The following NOVA2 variants were observed in gnomAD, a reference collection of about 807,000 sequenced individuals.
The protein encoded by NOVA2 is NOVA alternative splicing regulator 2, also known as RNA-binding protein Nova-2.
Under a neutral mutation model 22.5 loss-of-function variants are expected in NOVA2, and 9 were observed. The observed-to-expected ratio is 0.40, with a 90% CI of 0.24 to 0.70. The LOEUF (loss-of-function observed/expected upper bound fraction) is 0.70. Ranked by LOEUF, NOVA2 falls within the 30% of genes least tolerant of loss-of-function variation. NOVA2 has a pLI of 0.38. For missense variants in NOVA2, 383 were observed against 682.8 expected (o/e 0.56, Z 4.89); for synonymous variants, 318 against 335.2 (o/e 0.95, Z 0.56).
chr19:45,942,438 T>G (rs1967774435), intron 3 of NOVA2, among the ~76,000 whole-genome samples: 1 of 152,052 alleles, frequency 6.6e-6, no homozygotes, highest in South Asian at 2.1e-4. Flanking sequence ...CTTGGACTTC[T>G]GGCCTCCAGA....
chr19:45,946,815 C>T (rs925219937), intron 3 of NOVA2, among the ~76,000 whole-genome samples: 7 of 149,928 alleles, frequency 4.7e-5, no homozygotes, highest in Middle Eastern at 3.2e-3. Context: ...GAGGTTGCAG[C>T]GAGCCGAGAT....
rs1196004658 is a variant in NOVA2, at chr19:45,936,424, G to A, written c.*3439C>T. 6.6e-6 allele frequency: 1 copy of A among 151,786 alleles called. No individual in the cohort carries two copies. Among genetic ancestry groups the A allele is most frequent in the Non-Finnish European group, 1.5e-5 (1 of 67,954 alleles). 9.4% of individuals were successfully genotyped at this position (151,786 alleles called of 1,614,324 possible). A position where few individuals can be genotyped will look rare whatever the true frequency, so the allele number is the denominator to read the frequency against. ...AACTCAGGGTGGGAGGGCTGTGGAA[G>A]GGGGACCCAATTTAGCTCCATGTCC... On this transcript the variant is annotated 3_prime_UTR_variant, in exon 4 of 4. Transcript: ENST00000263257.
intron 1 of NOVA2, 70 bp downstream of exon 1, chr19:45,973,197 G>A (rs984284066): frequency 2.4e-5 from 19 of 780,798 alleles, no homozygotes; most frequent in African/African-American, 3.7e-5. Context: ...GCCACGGGAG[G>A]GGGGGAAAGG....
rs1241348746 is a variant in NOVA2 at position 45,940,395 on chromosome 19, GC to G, written c.946del (p.Ala316ProfsTer80). ...SGVLAAVAAGANPAAAAAANL... is the reference protein window; with the variant it reads ...SGVLAAVAAGXNPAAAAAANL... The stretch of plus-strand genomic sequence containing the variant: ...GGCGGCGGCGGCGGCTGCTGGGTTG[GC>G]CCCGGCGGCCACGGCGGCCAGGACG... On this transcript the variant is annotated frameshift_variant, in exon 4 of 4. Coordinates refer to ENST00000263257, the MANE Select transcript of NOVA2 (RefSeq NM_002516.4). LOFTEE classifies it low-confidence loss of function (END_TRUNC). The G allele has an allele frequency of 1.4e-6, 2 of 1,447,598 alleles. No individual in the cohort carries two copies. Among genetic ancestry groups the G allele is most frequent in the Non-Finnish European group, 1.8e-6 (2 of 1,094,428 alleles). The allele number at this position is 1,447,598 out of a possible 1,614,324, so 89.7% of individuals were successfully genotyped here.
intron 1 of NOVA2, among the ~76,000 whole-genome samples, chr19:45,970,380 G>T (rs1383798708): frequency 2.1e-5 from 3 of 142,576 alleles, no homozygotes; most frequent in Non-Finnish European, 4.6e-5. Context: ...TTTTTTGTTG[G>T]TTTTTTTTTT....
At chr19:45,946,841 T>A (rs1197150813) in intron 3 of NOVA2, among the ~76,000 whole-genome samples, 1 of 149,674 alleles carries the variant, frequency 6.7e-6, no homozygotes, top group Non-Finnish European at 1.5e-5. Flanking sequence ...CACCACTGCA[T>A]TCCAGCCTGG....
At chr19:45,969,208 A>G (rs1258945479) in intron 1 of NOVA2, among the ~76,000 whole-genome samples, 13 of 151,158 alleles carry the variant, frequency 8.6e-5, no homozygotes. Context: ...ACAAAAAACA[A>G]AGAATGAGGG....
intron 3 of NOVA2, among the ~76,000 whole-genome samples, chr19:45,943,053 CT>C (rs58123743): frequency 0.72 from 84,149 of 117,334 alleles, 29,465 homozygotes; most frequent in East Asian, 0.8. Context: ...TATATGTCTA[CT>C]TTTTTTTTTT....
In NOVA2 at chr19:45,934,327, G is replaced by A. The variant is rs1363478873; in HGVS notation, c.*5536C>T. Reference sequence around the variant, plus strand: ...GTCTCCAACAGAGAAAGGGGGAAGAGAGGTTCTAGCTCCTCTGACTCCACC... The same window carrying A: ...GTCTCCAACAGAGAAAGGGGGAAGAAAGGTTCTAGCTCCTCTGACTCCACC... On this transcript the variant is annotated 3_prime_UTR_variant, in exon 4 of 4. Transcript: ENST00000263257. 1 of 152,262 alleles carries A rather than the reference G, an allele frequency of 6.6e-6. No homozygotes were observed. The highest frequency in any genetic ancestry group is 2.4e-5 in the African/African-American group (1 of 41,418). 9.4% of individuals were successfully genotyped at this position (152,262 alleles called of 1,614,324 possible).
At chr19:45,962,851 T>A (rs950364226) in intron 1 of NOVA2, among the ~76,000 whole-genome samples, 1 of 152,068 alleles carries the variant, frequency 6.6e-6, no homozygotes, top group African/African-American at 2.4e-5. Flanking sequence ...TTTCGCCATG[T>A]TGGTCAGGCT....
intron 1 of NOVA2, among the ~76,000 whole-genome samples, chr19:45,964,017 C>A (rs1013633908): frequency 4.6e-5 from 7 of 152,004 alleles, no homozygotes; most frequent in Non-Finnish European, 1.5e-5. Context: ...ACAGTGTCCC[C>A]AAAACTTGAA....
chr19:45,961,282 C>A, intron 1 of NOVA2, 129 bp from the exon 2 acceptor site: 1 of 619,122 alleles, frequency 1.6e-6, no homozygotes, highest in Non-Finnish European at 2.8e-6. Flanking sequence ...GATCTTCATT[C>A]ACTCATTCAT....
At chr19:45,940,971 CT>C (rs1967748466) in intron 3 of NOVA2, 26 bp from the exon 4 acceptor site, 16 of 1,555,096 alleles carry the variant, frequency 1.0e-5, no homozygotes, top group Non-Finnish European at 1.4e-5. Flanking sequence ...AAGGGAGGGT[CT>C]TTAATTTTAT....
rs1451496643 is a variant in NOVA2 at position 45,940,739 on chromosome 19, T to C, written c.603A>G (p.Gln201=). 1.2e-6 allele frequency: 2 copies of C among 1,610,214 alleles called. No homozygotes were observed. The highest frequency in any genetic ancestry group is 1.7e-6 in the Non-Finnish European group (2 of 1,179,860). Residue 201 remains glutamine (Q), a synonymous_variant, in exon 4 of 4, where the codon CAA becomes CAG. Transcript: ENST00000263257. Reference sequence around the variant, plus strand: ...GGCAGCTGCTGCTCTGGGGGTCTTCTTGTACCTTCTGCACGATGGCGCTCA... The same window carrying C: ...GGCAGCTGCTGCTCTGGGGGTCTTCCTGTACCTTCTGCACGATGGCGCTCA... ...KAVSAIVQKV[Q]EDPQSSSCLN... is the part of the protein sequence containing the mutation.
chr19:45,943,046 A>G (rs1430895842), intron 3 of NOVA2, among the ~76,000 whole-genome samples: 1 of 119,210 alleles, frequency 8.4e-6, no homozygotes, highest in Non-Finnish European at 1.7e-5. Flanking sequence ...CAGGCCCTAT[A>G]TGTCTACTTT....
rs1323706793 is a variant in NOVA2 at position 45,934,852 on chromosome 19, T to C, written c.*5011A>G. ...TGGGGCAGACCCTAGGGGTGAGGGATGGGGGTGGGGCATGGGATGGGGTGC... is the reference window on the plus strand; with the variant it reads ...TGGGGCAGACCCTAGGGGTGAGGGACGGGGGTGGGGCATGGGATGGGGTGC... On this transcript the variant is annotated 3_prime_UTR_variant, in exon 4 of 4. Transcript: ENST00000263257. 1.9e-4 allele frequency: 1 copy of C among 5,212 alleles called. No individual in the cohort carries two copies. Among genetic ancestry groups the C allele is most frequent in the South Asian group, 5.4e-3 (1 of 186 alleles). 0.3% of individuals were successfully genotyped at this position (5,212 alleles called of 1,614,324 possible). A position where few individuals can be genotyped will look rare whatever the true frequency, so the allele number is the denominator to read the frequency against.
intron 3 of NOVA2, among the ~76,000 whole-genome samples, chr19:45,951,792 G>A (rs1967930382): frequency 6.6e-6 from 1 of 151,944 alleles, no homozygotes; most frequent in Admixed American, 6.6e-5. Flanking sequence ...GTGTGACTCT[G>A]CCTCAGACTA....
rs1279272749 is a variant in NOVA2, at chr19:45,939,338, T to C, written c.*525A>G. ...GACGCCTCTGCTACCTCTACTCCCA[T>C]GGCTTCCCTCAGATCTAGAACTGAA... On this transcript the variant is annotated 3_prime_UTR_variant, in exon 4 of 4. Transcript: ENST00000263257. The C allele has an allele frequency of 6.6e-6, 1 of 152,446 alleles. No homozygotes were observed. Among genetic ancestry groups the C allele is most frequent in the Admixed American group, 6.5e-5 (1 of 15,270 alleles). 9.4% of individuals were successfully genotyped at this position (152,446 alleles called of 1,614,324 possible).
chr19:45,969,850 C>T (rs1020494706), intron 1 of NOVA2, among the ~76,000 whole-genome samples: 3 of 152,184 alleles, frequency 2.0e-5, no homozygotes, highest in Admixed American at 6.5e-5. Flanking sequence ...CATCTGCCAG[C>T]CACTCACAGT....
Sources: gnomAD v4.1 joint callset for allele counts (sites outside exome capture counted in the v4.1 genomes callset) on GRCh38, gnomAD v4.1.1 for gene constraint, MANE v1.5 for transcripts, NCBI Gene and HGNC (gene_info 2026-07-23, HGNC 2026-07-21) for gene names.